Variants in CSMD2 observed in about 807,000 individuals in gnomAD.
CSMD2 encodes CUB and sushi domain-containing protein 2.
A neutral mutation model predicts 398.5 loss-of-function variants in CSMD2; 130 were observed. The observed-to-expected ratio is 0.33, with a 90% CI of 0.28 to 0.38. CSMD2 has a LOEUF of 0.38. Among genes scored for constraint, CSMD2 ranks in the 10% least tolerant of loss-of-function variants. CSMD2 has a pLI of 1.00. For synonymous variants in CSMD2, 1,828 were observed against 1,908.5 expected (o/e 0.96, Z 1.10); for missense variants, 3,829 against 4,764.9 (o/e 0.80, Z 5.78).
intron 44 of CSMD2, chr1:33,599,951 A>G: frequency 1.7e-6 from 1 of 594,840 alleles, no homozygotes; most frequent in Non-Finnish European, 3.0e-6. Flanking sequence ...ACTGCAGCAG[A>G]TACTGCGGAG....
chr1:33,577,841 G>T (rs1376245396), intron 48 of CSMD2, among the ~76,000 whole-genome samples: 1 of 152,188 alleles, frequency 6.6e-6, no homozygotes, highest in Non-Finnish European at 1.5e-5. Context: ...GTTGGTTCCA[G>T]AAAGCTGCGA....
At chr1:33,604,368 A>G (rs1234453773) in intron 42 of CSMD2, among the ~76,000 whole-genome samples, 1 of 152,246 alleles carries the variant, frequency 6.6e-6, no homozygotes, top group East Asian at 1.9e-4. Context: ...AGAACGGCTC[A>G]GTTTCGCAAA....
At chr1:33,634,146 T>C (rs1642651196) in intron 31 of CSMD2, among the ~76,000 whole-genome samples, 1 of 152,108 alleles carries the variant, frequency 6.6e-6, no homozygotes, top group African/African-American at 2.4e-5. Flanking sequence ...CCTCAGTATA[T>C]TGGGGAGTGT....
chr1:33,557,064 C>G (rs186448522), intron 55 of CSMD2, among the ~76,000 whole-genome samples: 1 of 152,242 alleles, frequency 6.6e-6, no homozygotes, highest in Admixed American at 6.5e-5. Context: ...CCAGTTGTCC[C>G]CAATTCTTTT....
At chr1:33,728,120 G>C (rs183530397) in intron 15 of CSMD2, among the ~76,000 whole-genome samples, 3 of 152,280 alleles carry the variant, frequency 2.0e-5, no homozygotes, top group Admixed American at 2.0e-4. Flanking sequence ...GCAAGACAGC[G>C]TAAATCCAGA....
chr1:34,095,691 T>G (rs1423723276), intron 1 of CSMD2, among the ~76,000 whole-genome samples: 1 of 150,442 alleles, frequency 6.6e-6, no homozygotes. Flanking sequence ...ACACATACAC[T>G]CTCCCAAGAC....
chr1:34,066,626 C>A (rs931214319), intron 2 of CSMD2, among the ~76,000 whole-genome samples: 6 of 152,128 alleles, frequency 3.9e-5, no homozygotes, highest in Non-Finnish European at 8.8e-5. Flanking sequence ...GCTGCAGAGA[C>A]AAGTGGGCTC....
At chr1:33,628,668 CA>C (rs35461345) in intron 32 of CSMD2, among the ~76,000 whole-genome samples, 7,135 of 84,006 alleles carry the variant, frequency 0.085, 199 homozygotes, top group African/African-American at 0.16. Context: ...GACTCTGTCT[CA>C]AAAAAAAAAA....
At chr1:34,079,792 A>T (rs1481209957) in intron 2 of CSMD2, among the ~76,000 whole-genome samples, 1 of 152,164 alleles carries the variant, frequency 6.6e-6, no homozygotes, top group Non-Finnish European at 1.5e-5. Flanking sequence ...AATAAAAATC[A>T]CAGAAAAAAC....
chr1:33,729,357 G>A (rs17478828), intron 15 of CSMD2, among the ~76,000 whole-genome samples: 3,595 of 151,866 alleles, frequency 0.024, 72 homozygotes, highest in Non-Finnish European at 0.035. Flanking sequence ...TGATTGTCCA[G>A]TGACCTATTT....
chr1:33,547,790 A>T (rs1193065067), intron 56 of CSMD2, among the ~76,000 whole-genome samples: 1 of 152,250 alleles, frequency 6.6e-6, no homozygotes, highest in Non-Finnish European at 1.5e-5. Flanking sequence ...AACAATCTTG[A>T]TGGTGAGCAG....
At chr1:33,741,963 A>G (rs1218844282) in intron 14 of CSMD2, among the ~76,000 whole-genome samples, 1 of 152,222 alleles carries the variant, frequency 6.6e-6, no homozygotes, top group Non-Finnish European at 1.5e-5. Flanking sequence ...CATTCCGTAA[A>G]CATTTGCTGA....
intron 33 of CSMD2, among the ~76,000 whole-genome samples, chr1:33,626,133 TG>T (rs1374969573): frequency 1.3e-5 from 2 of 152,174 alleles, no homozygotes; most frequent in Non-Finnish European, 2.9e-5. Flanking sequence ...TTACTGTGCC[TG>T]GCAGACAAAA....
chr1:33,716,472 G>A lies in CSMD2; in HGVS notation c.3031C>T (p.Leu1011=). ...AGGAGGTAGTCATGGCCACTTTCCAGGTGGAAGGTGTGGAAAGTGAAGAAC... is the reference window on the plus strand; with the variant it reads ...AGGAGGTAGTCATGGCCACTTTCCAAGTGGAAGGTGTGGAAAGTGAAGAAC... ...GVFFTFHTFH[L]ESGHDYLLIT... The change falls in exon 20 of 71, where the codon CTG becomes TTG. Residue 1011 remains leucine, a synonymous_variant. Transcript: ENST00000373381. 6.2e-7 allele frequency: 1 copy of A among 1,613,718 alleles called. No homozygotes were observed. The highest frequency in any genetic ancestry group is 1.3e-5 in the African/African-American group (1 of 75,034).
chr1:34,008,663 A>C (rs2148058891), intron 3 of CSMD2, among the ~76,000 whole-genome samples: 1 of 152,308 alleles, frequency 6.6e-6, no homozygotes, highest in East Asian at 1.9e-4. Flanking sequence ...GCTTCTAATA[A>C]AGTTGGAGCT....
At chr1:33,677,676 C>G (rs1010819904) in intron 25 of CSMD2, among the ~76,000 whole-genome samples, 1 of 152,066 alleles carries the variant, frequency 6.6e-6, no homozygotes, top group Non-Finnish European at 1.5e-5. Context: ...TATGGCGGCA[C>G]TATTCACAAT....
chr1:33,577,692 C>A (rs12073826), intron 48 of CSMD2, among the ~76,000 whole-genome samples: 1,964 of 152,092 alleles, frequency 0.013, 48 homozygotes, highest in African/African-American at 0.045. Flanking sequence ...GGAAACAAAA[C>A]AAAACAAAAC....
intron 5 of CSMD2, among the ~76,000 whole-genome samples, chr1:33,848,239 A>G (rs1638427683): frequency 6.6e-6 from 1 of 152,208 alleles, no homozygotes; most frequent in Non-Finnish European, 1.5e-5. Context: ...ACCACTCCCA[A>G]TCCTGGAGCA....
At chr1:33,552,269 A>T (rs1657525849) in intron 55 of CSMD2, among the ~76,000 whole-genome samples, 1 of 152,232 alleles carries the variant, frequency 6.6e-6, no homozygotes, top group Non-Finnish European at 1.5e-5. Flanking sequence ...CATAGGAAAG[A>T]ATATGGAGAA....
Sources: allele counts gnomAD v4.1 joint callset (sites outside exome capture counted in the v4.1 genomes callset), GRCh38; gene constraint gnomAD v4.1.1; transcripts MANE v1.5; gene names NCBI Gene and HGNC (gene_info 2026-07-23, HGNC 2026-07-21).